ARMC2: variants seen among roughly 807,000 people sequenced by gnomAD.
ARMC2 encodes the protein armadillo repeat containing 2.
Under a neutral mutation model 90.3 loss-of-function variants are expected in ARMC2, and 67 were observed. The observed-to-expected ratio is 0.74, with a 90% CI of 0.61 to 0.91. The LOEUF is 0.91. ARMC2 is among the 40% of genes least tolerant of loss of function. The pLI, the probability that ARMC2 is intolerant of heterozygous loss-of-function variation, is 0.00. For synonymous variants in ARMC2, 393 were observed against 393.0 expected (o/e 1.00, Z 0.00); for missense variants, 920 against 1,030.9 (o/e 0.89, Z 1.47).
chr6:108,933,651 C>T (rs1386138399), intron 11 of ARMC2, among the ~76,000 whole-genome samples: 3 of 152,066 alleles, frequency 2.0e-5, no homozygotes, highest in African/African-American at 7.2e-5. Context: ...TTTGGATGTC[C>T]TTTATTTCAT....
chr6:108,907,863 C>T, intron 8 of ARMC2: 5 of 1,610,736 alleles, frequency 3.1e-6, no homozygotes, highest in South Asian at 1.1e-5. Flanking sequence ...ACTGGTACAA[C>T]TGACGCTATC....
the ARMC2 span, among the ~76,000 whole-genome samples, chr6:109,010,185 T>A: frequency 6.6e-6 from 1 of 152,188 alleles, no homozygotes; most frequent in African/African-American, 2.4e-5. Flanking sequence ...TTTCTAATAT[T>A]CCTTCATAAG....
At chr6:108,857,627 C>A (rs1774784408) in intron 2 of ARMC2, among the ~76,000 whole-genome samples, 1 of 152,178 alleles carries the variant, frequency 6.6e-6, no homozygotes, top group African/African-American at 2.4e-5. Flanking sequence ...ATGATGTTAG[C>A]TGTAGGTTTC....
chr6:108,867,566 C>T lies in ARMC2; in HGVS notation c.292-1258C>T, dbSNP rs183312533. Among the ~76,000 whole-genome samples the T allele has an allele frequency of 1.4e-3, 212 of 151,898 alleles. 2 individuals are homozygous for T. The highest frequency in any genetic ancestry group is 3.1e-4 in the Non-Finnish European group (21 of 67,960). ...TGGCTCACCTGAGGTCAGGAGTTCG[C>T]GACCAGTCTGACTAACAGGGTGAAA... is the stretch of plus-strand genomic sequence containing the variant. On this transcript the variant is annotated intron_variant, in intron 3 of 17. Transcript: ENST00000392644.
rs1308692788 is a variant in ARMC2, at chr6:108,937,851, C to T, written c.1596+852C>T. ...CTGGGACTACAGGCGTGCCACCACA[C>T]CTGGCTAATTTTGTTTTTGTACTTT... On this transcript the variant is annotated intron_variant, in intron 12 of 17. Coordinates refer to ENST00000392644, the MANE Select transcript of ARMC2 (RefSeq NM_032131.6). Among the ~76,000 whole-genome samples, 3 of 152,054 alleles carry T rather than the reference C, an allele frequency of 2.0e-5. No homozygotes were observed. The South Asian group carries it at 6.2e-4, about 31-fold the overall frequency.
At chr6:109,048,340 T>C in the ARMC2 span, among the ~76,000 whole-genome samples, 1 of 151,846 alleles carries the variant, frequency 6.6e-6, no homozygotes, top group African/African-American at 2.4e-5. Flanking sequence ...TCCACCTCCC[T>C]TGTTTACTTG....
At chr6:108,909,170 T>G (rs1773128335) in intron 8 of ARMC2, among the ~76,000 whole-genome samples, 1 of 152,230 alleles carries the variant, frequency 6.6e-6, no homozygotes, top group African/African-American at 2.4e-5. Flanking sequence ...TTTGTTCAGA[T>G]GACCTTATTC....
intron 11 of ARMC2, among the ~76,000 whole-genome samples, chr6:108,932,906 T>C (rs1775691933): frequency 6.6e-6 from 1 of 152,150 alleles, no homozygotes; most frequent in Non-Finnish European, 1.5e-5. Context: ...CTCTCTGTTC[T>C]GTTCCCTTGG....
chr6:108,865,183 A>G (rs986271178), intron 3 of ARMC2, among the ~76,000 whole-genome samples: 1 of 151,888 alleles, frequency 6.6e-6, no homozygotes, highest in Non-Finnish European at 1.5e-5. Context: ...GGGTTTCATC[A>G]TGTTGGCTAG....
At chr6:109,008,376 A>AT in the ARMC2 span, among the ~76,000 whole-genome samples, 48 of 152,222 alleles carry the variant, frequency 3.2e-4, no homozygotes, top group Non-Finnish European at 5.7e-4. Flanking sequence ...ACTGTAAGAG[A>AT]TTTTTAAAGA....
intron 5 of ARMC2, among the ~76,000 whole-genome samples, chr6:108,886,796 G>A (rs1480796394): frequency 6.6e-6 from 1 of 151,912 alleles, no homozygotes; most frequent in Non-Finnish European, 1.5e-5. Flanking sequence ...GCTCTTTAGG[G>A]AAAAAGCTTG....
chr6:108,904,228 A>G lies in ARMC2; in HGVS notation c.848-2A>G. The G allele has an allele frequency of 6.2e-7, 1 of 1,613,322 alleles. No homozygotes were observed. Among genetic ancestry groups the G allele is most frequent in the South Asian group, 1.1e-5 (1 of 90,914 alleles). ...GTTGCTTTACTCTCTTTGCTCTGACAGAAGAAAACATTGAAACGGTTTGTG... is the reference window on the plus strand; with the variant it reads ...GTTGCTTTACTCTCTTTGCTCTGACGGAAGAAAACATTGAAACGGTTTGTG... On this transcript the variant is annotated splice_acceptor_variant, in intron 7 of 17. Coordinates refer to ENST00000392644, the MANE Select transcript of ARMC2 (RefSeq NM_032131.6). LOFTEE classifies it high-confidence loss of function.
At chr6:108,855,450 A>G (rs1378479258) in intron 2 of ARMC2, among the ~76,000 whole-genome samples, 1 of 151,762 alleles carries the variant, frequency 6.6e-6, no homozygotes, top group East Asian at 1.9e-4. Flanking sequence ...ACGGGGTTTC[A>G]CCATGTTTGC....
chr6:108,893,347 T>C (rs1771284296), intron 5 of ARMC2, among the ~76,000 whole-genome samples: 1 of 152,210 alleles, frequency 6.6e-6, no homozygotes, highest in African/African-American at 2.4e-5. Flanking sequence ...CACATTTTTA[T>C]GTAGTGGAAA....
At chr6:108,909,569 T>C (rs1378337235) in intron 8 of ARMC2, among the ~76,000 whole-genome samples, 1 of 152,172 alleles carries the variant, frequency 6.6e-6, no homozygotes, top group Non-Finnish European at 1.5e-5. Flanking sequence ...GGGGTCTCAC[T>C]CTGTCACCCA....
chr6:108,928,246 A>T lies in ARMC2; in HGVS notation c.1496+13A>T. The T allele has an allele frequency of 6.8e-7, 1 of 1,464,276 alleles. No homozygotes were observed. The allele number at this position is 1,464,276 out of a possible 1,614,324, so 90.7% of individuals were successfully genotyped here. On this transcript the variant is annotated intron_variant, in intron 11 of 17. Coordinates refer to ENST00000392644, the MANE Select transcript of ARMC2 (RefSeq NM_032131.6). ...CCAGAATATTCAGGTAGGTAGACTA[A>T]GACGTGAAGTAGCCTTACAAAAATG...
intron 4 of ARMC2, among the ~76,000 whole-genome samples, chr6:108,874,091 C>T (rs1776700156): frequency 1.3e-5 from 2 of 152,212 alleles, no homozygotes; most frequent in Admixed American, 1.3e-4. Context: ...TTACAAAATT[C>T]ATATAATGTG....
intron 5 of ARMC2, among the ~76,000 whole-genome samples, chr6:108,877,063 C>G (rs1395214363): frequency 6.6e-6 from 1 of 152,188 alleles, no homozygotes; most frequent in African/African-American, 2.4e-5. Context: ...AGAACAGGCT[C>G]TGTTTTCCAG....
the ARMC2 span, among the ~76,000 whole-genome samples, chr6:108,982,683 ATG>A: frequency 1.3e-5 from 2 of 152,224 alleles, no homozygotes; most frequent in East Asian, 3.9e-4. Flanking sequence ...GTGTGAGGTA[ATG>A]TGTCTTTGTA....
Sources: gnomAD v4.1 joint callset for allele counts (sites outside exome capture counted in the v4.1 genomes callset) on GRCh38, gnomAD v4.1.1 for gene constraint, MANE v1.5 for transcripts, NCBI Gene and HGNC (gene_info 2026-07-23, HGNC 2026-07-21) for gene names.